Variants in CTXND1 observed in about 807,000 individuals in gnomAD.
CTXND1 encodes cortexin domain containing 1.
At chr15:80,241,330 T>C (rs1421736769) in intron 1 of CTXND1, among the ~76,000 whole-genome samples, 1 of 152,200 alleles carries the variant, frequency 6.6e-6, no homozygotes, top group African/African-American at 2.4e-5. Flanking sequence ...TCTTTTCTCA[T>C]ATATTATTCT....
intron 1 of CTXND1, among the ~76,000 whole-genome samples, chr15:80,239,192 G>T (rs1240051904): frequency 6.6e-6 from 1 of 152,150 alleles, no homozygotes; most frequent in East Asian, 1.9e-4. Flanking sequence ...TGGCTTTCCA[G>T]GCCCTCCCTG....
intron 1 of CTXND1, among the ~76,000 whole-genome samples, chr15:80,248,751 A>T (rs953674370): frequency 3.5e-4 from 53 of 152,220 alleles, no homozygotes; most frequent in African/African-American, 1.2e-3. Flanking sequence ...GTGTCAGGCC[A>T]CTTGTCAGCT....
intron 1 of CTXND1, among the ~76,000 whole-genome samples, chr15:80,238,087 G>A (rs1309211167): frequency 2.6e-5 from 4 of 151,078 alleles, no homozygotes; most frequent in East Asian, 1.9e-4. Flanking sequence ...AATTTATTAC[G>A]GAAGAAACAA....
chr15:80,195,990 C>T lies in CTXND1; in HGVS notation c.*5780G>A, dbSNP rs941983950. 9 of 152,156 alleles carry T rather than the reference C, an allele frequency of 5.9e-5. No individual in the cohort carries two copies. The highest frequency in any genetic ancestry group is 1.5e-5 in the Non-Finnish European group (1 of 68,038). 9.4% of individuals were successfully genotyped at this position (152,156 alleles called of 1,614,324 possible). On this transcript the variant is annotated 3_prime_UTR_variant, in exon 3 of 3. Transcript: ENST00000560778. ...ATTGGCAGAGAAAGAGATCACTGCA[C>T]TGTCAGGATGGTTAACCCCAATATC...
At chr15:80,233,998 T>TA (rs1052543088) in intron 1 of CTXND1, among the ~76,000 whole-genome samples, 2 of 151,812 alleles carry the variant, frequency 1.3e-5, no homozygotes, top group African/African-American at 4.8e-5. Flanking sequence ...TTAACAGAGG[T>TA]AAAAAAGCTG....
At chr15:80,245,976 G>A (rs1274921289) in intron 1 of CTXND1, among the ~76,000 whole-genome samples, 2 of 152,046 alleles carry the variant, frequency 1.3e-5, no homozygotes, top group East Asian at 3.8e-4. Flanking sequence ...AAAACACCAG[G>A]GAGACAAAAC....
chr15:80,225,703 G>C (rs1893364116), intron 1 of CTXND1, among the ~76,000 whole-genome samples: 1 of 151,760 alleles, frequency 6.6e-6, no homozygotes, highest in Non-Finnish European at 1.5e-5. Flanking sequence ...TTCCTTTCTT[G>C]CTCTCTTTTT....
chr15:80,245,552 C>G (rs1351663105), intron 1 of CTXND1, among the ~76,000 whole-genome samples: 1 of 152,154 alleles, frequency 6.6e-6, no homozygotes, highest in Admixed American at 6.5e-5. Context: ...GTGGCCTTTT[C>G]TATCCCAGCC....
intron 1 of CTXND1, among the ~76,000 whole-genome samples, chr15:80,241,450 C>T (rs966866491): frequency 1.2e-4 from 19 of 152,090 alleles, no homozygotes; most frequent in Non-Finnish European, 2.5e-4. Flanking sequence ...TCTTTCAGGA[C>T]GACCTTCAAG....
At chr15:80,243,985 G>A (rs1246574867) in intron 1 of CTXND1, among the ~76,000 whole-genome samples, 2 of 152,208 alleles carry the variant, frequency 1.3e-5, no homozygotes, top group African/African-American at 4.8e-5. Context: ...AAGCAGTCAG[G>A]CTCTGCTGAA....
chr15:80,217,521 C>CTTATTTATTTATTTAT (rs67800490), intron 1 of CTXND1, among the ~76,000 whole-genome samples: 57 of 143,768 alleles, frequency 4.0e-4, no homozygotes, highest in Non-Finnish European at 7.0e-4. Context: ...CAATAGCTTG[C>CTTATTTATTTATTTAT]TTATTTATTT....
intron 1 of CTXND1, among the ~76,000 whole-genome samples, chr15:80,242,173 G>T (rs935124753): frequency 1.3e-5 from 2 of 152,182 alleles, no homozygotes; most frequent in African/African-American, 4.8e-5. Flanking sequence ...CTGCATCGTG[G>T]TCACTCTGAG....
At chr15:80,225,852 G>T (rs1473981344) in intron 1 of CTXND1, among the ~76,000 whole-genome samples, 1 of 152,156 alleles carries the variant, frequency 6.6e-6, no homozygotes, top group Non-Finnish European at 1.5e-5. Context: ...TTGAGATGCT[G>T]GTTATCCTCA....
At chr15:80,204,209 C>T (rs1222867682) in intron 1 of CTXND1, among the ~76,000 whole-genome samples, 22 of 58,854 alleles carry the variant, frequency 3.7e-4, no homozygotes, top group Non-Finnish European at 5.9e-4. Flanking sequence ...TACACAAACA[C>T]ATACACACAT....
At chr15:80,215,768 C>T (rs113296188) in intron 1 of CTXND1, among the ~76,000 whole-genome samples, 2,300 of 152,266 alleles carry the variant, frequency 0.015, 24 homozygotes, top group Non-Finnish European at 0.022. Flanking sequence ...AGCAGTGGCC[C>T]GCCCCAAGCC....
intron 1 of CTXND1, among the ~76,000 whole-genome samples, chr15:80,215,538 G>A (rs1325991774): frequency 2.6e-5 from 4 of 152,174 alleles, no homozygotes; most frequent in Non-Finnish European, 5.9e-5. Flanking sequence ...CTGCCACAGT[G>A]GCTCTGCATG....
At chr15:80,224,491 A>G (rs1164963847) in intron 1 of CTXND1, among the ~76,000 whole-genome samples, 1 of 152,170 alleles carries the variant, frequency 6.6e-6, no homozygotes, top group Non-Finnish European at 1.5e-5. Flanking sequence ...CTTGAAATCT[A>G]CTAGAGTAAG....
At chr15:80,215,115 G>C (rs1412918630) in intron 1 of CTXND1, among the ~76,000 whole-genome samples, 1 of 152,206 alleles carries the variant, frequency 6.6e-6, no homozygotes, top group African/African-American at 2.4e-5. Flanking sequence ...TGGGGTGTCT[G>C]TCAAGAGTGT....
At chr15:80,228,658 C>T (rs908903965) in intron 1 of CTXND1, among the ~76,000 whole-genome samples, 4 of 115,290 alleles carry the variant, frequency 3.5e-5, no homozygotes. Context: ...GAGACACAGT[C>T]TTGCTCTGTC....
Sources: gnomAD v4.1 joint callset for allele counts (sites outside exome capture counted in the v4.1 genomes callset) on GRCh38, gnomAD v4.1.1 for gene constraint, MANE v1.5 for transcripts, NCBI Gene and HGNC (gene_info 2026-07-23, HGNC 2026-07-21) for gene names.